DIAPH2: variants seen among roughly 807,000 people sequenced by gnomAD.
DIAPH2 encodes protein diaphanous homolog 2.
DIAPH2 carries 35 observed loss-of-function variants against 92.7 expected under a neutral mutation model. That is an observed-to-expected ratio of 0.38 (90% confidence interval 0.29 to 0.50). The LOEUF is 0.50. Among genes scored for constraint, DIAPH2 ranks in the 20% least tolerant of loss-of-function variants. The pLI, the probability that DIAPH2 is intolerant of heterozygous loss-of-function variation, is 0.94. For synonymous variants in DIAPH2, 301 were observed against 280.4 expected, an observed-to-expected ratio of 1.07 and a Z score of -0.73; for missense variants, 701 against 819.5, an observed-to-expected ratio of 0.86 and a Z score of 1.77.
At chrX:97,235,039 G>A (rs1198252231) in intron 22 of DIAPH2, among the ~76,000 whole-genome samples, 1 of 112,386 alleles carries the variant, frequency 8.9e-6, no homozygotes, top group Non-Finnish European at 1.9e-5. Flanking sequence ...CAGAACACTT[G>A]AAAGTCTCTG....
At chrX:97,185,939 G>C (rs760114758) in intron 22 of DIAPH2, among the ~76,000 whole-genome samples, 9 of 110,475 alleles carry the variant, frequency 8.1e-5, no homozygotes, top group Non-Finnish European at 1.5e-4. Context: ...AGCTTTTATA[G>C]TAATTGCATC....
At chrX:96,871,234 C>T (rs1046363295) in intron 4 of DIAPH2, among the ~76,000 whole-genome samples, 5 of 110,069 alleles carry the variant, frequency 4.5e-5, no homozygotes, top group Admixed American at 9.7e-5. Context: ...TTTGGGAGGC[C>T]GAGGCGGGAG....
chrX:96,690,957 A>C (rs1169451090), intron 1 of DIAPH2, among the ~76,000 whole-genome samples: 1 of 111,266 alleles, frequency 9.0e-6, no homozygotes, highest in Non-Finnish European at 1.9e-5. Flanking sequence ...TGCTTCAGGG[A>C]CTCTGAAGGT....
At chrX:96,874,159 A>C (rs776342033) in intron 4 of DIAPH2, among the ~76,000 whole-genome samples, 3 of 111,960 alleles carry the variant, frequency 2.7e-5, no homozygotes, top group African/African-American at 9.7e-5. Context: ...GAAGTACTAG[A>C]TTTAAGTAAG....
intron 4 of DIAPH2, among the ~76,000 whole-genome samples, chrX:96,829,028 T>C (rs1284888455): frequency 8.9e-6 from 1 of 112,425 alleles, no homozygotes; most frequent in Admixed American, 9.4e-5. Flanking sequence ...ATTAATACAA[T>C]AGGACAAGTA....
At chrX:96,832,291 TA>T (rs902708326) in intron 4 of DIAPH2, among the ~76,000 whole-genome samples, 12 of 108,562 alleles carry the variant, frequency 1.1e-4, no homozygotes, top group South Asian at 3.9e-4. Flanking sequence ...CTTCCATAAC[TA>T]AAAAAAAAAT....
At chrX:97,273,087 G>A (rs2068404090) in intron 23 of DIAPH2, among the ~76,000 whole-genome samples, 1 of 112,034 alleles carries the variant, frequency 8.9e-6, no homozygotes, top group South Asian at 3.7e-4. Flanking sequence ...CCCGGGAGGT[G>A]GAGGTTGTGG....
At chrX:97,429,807 C>T (rs1168490988) in intron 26 of DIAPH2, 62 bp downstream of exon 26, 1 of 940,564 alleles carries the variant, frequency 1.1e-6, no homozygotes, top group South Asian at 2.9e-5. Flanking sequence ...AAAGTAGCAA[C>T]ACCAAAAAAA....
At chrX:97,093,278 A>G (rs1435268005) in intron 19 of DIAPH2, among the ~76,000 whole-genome samples, 1 of 111,175 alleles carries the variant, frequency 9.0e-6, no homozygotes, top group Non-Finnish European at 1.9e-5. Context: ...AAGGGTAGGT[A>G]TATGTAAAAT....
intron 26 of DIAPH2, among the ~76,000 whole-genome samples, chrX:97,578,321 T>G (rs2071412687): frequency 9.6e-6 from 1 of 103,659 alleles, no homozygotes; most frequent in African/African-American, 3.5e-5. Context: ...CCCTCCCCGC[T>G]CCCCCCACCC....
At chrX:96,724,055 C>CT (rs1303513081) in intron 1 of DIAPH2, among the ~76,000 whole-genome samples, 1 of 106,947 alleles carries the variant, frequency 9.4e-6, no homozygotes, top group African/African-American at 3.4e-5. Flanking sequence ...TCCCAAGTAG[C>CT]TTGGATTACA....
At chrX:97,562,417 A>T (rs2071300277) in intron 26 of DIAPH2, among the ~76,000 whole-genome samples, 3 of 110,543 alleles carry the variant, frequency 2.7e-5, no homozygotes, top group Non-Finnish European at 1.9e-5. Flanking sequence ...GAGGCAGAAG[A>T]ATCACTTGAA....
At chrX:97,257,260 C>T (rs1470037352) in intron 23 of DIAPH2, among the ~76,000 whole-genome samples, 3 of 111,103 alleles carry the variant, frequency 2.7e-5, no homozygotes, top group Non-Finnish European at 5.7e-5. Flanking sequence ...CATATCTCAG[C>T]TACTTATTTA....
At chrX:96,909,998 G>A (rs975071843) in intron 5 of DIAPH2, among the ~76,000 whole-genome samples, 2 of 110,889 alleles carry the variant, frequency 1.8e-5, no homozygotes, top group Non-Finnish European at 3.8e-5. Flanking sequence ...TAAATTTAAA[G>A]AAATCATGGA....
intron 25 of DIAPH2, among the ~76,000 whole-genome samples, chrX:97,398,673 G>A (rs1227593651): frequency 9.1e-6 from 1 of 109,807 alleles, no homozygotes; most frequent in African/African-American, 3.3e-5. Context: ...CCACAGATAA[G>A]TATAATCTTA....
At chrX:96,885,307 G>T (rs1332686897) in intron 5 of DIAPH2, 4 of 363,501 alleles carry the variant, frequency 1.1e-5, no homozygotes, top group Non-Finnish European at 1.9e-5. Context: ...TGACAACTCT[G>T]TAGGATTTAC....
At chrX:97,063,951 A>G (rs2147904767) in intron 17 of DIAPH2, among the ~76,000 whole-genome samples, 1 of 112,221 alleles carries the variant, frequency 8.9e-6, no homozygotes, top group Admixed American at 9.4e-5. Flanking sequence ...TGCCTTCACA[A>G]TACAATAGCA....
rs1210953893 is a variant in DIAPH2 at position 96,804,454 on chromosome X, T to C, written c.447+46196T>C. Among the ~76,000 whole-genome samples, 3 of 111,983 alleles carry C rather than the reference T, an allele frequency of 2.7e-5. No homozygotes were observed. In the East Asian group the frequency reaches 8.4e-4, roughly 31 times the overall value. On this transcript the variant is annotated intron_variant, in intron 4 of 26. Transcript: ENST00000324765. ...GTAGAAAGAAGTGTTTTATTAAGCA[T>C]TGATAAGTAGCAAAAGATAGAATAA...
intron 4 of DIAPH2, among the ~76,000 whole-genome samples, chrX:96,801,409 A>G (rs1229708059): frequency 8.9e-6 from 1 of 112,270 alleles, no homozygotes; most frequent in Non-Finnish European, 1.9e-5. Flanking sequence ...GGTTAAGACC[A>G]TCATGTTAAT....
Sources: gnomAD v4.1 joint callset for allele counts (sites outside exome capture counted in the v4.1 genomes callset) on GRCh38, gnomAD v4.1.1 for gene constraint, MANE v1.5 for transcripts, NCBI Gene and HGNC (gene_info 2026-07-23, HGNC 2026-07-21) for gene names.